The following GSK3B variants were observed in gnomAD, a reference collection of about 807,000 sequenced individuals.
GSK3B encodes the protein glycogen synthase kinase 3 beta, also known as glycogen synthase kinase-3 beta.
A neutral mutation model predicts 56.4 loss-of-function variants in GSK3B; 15 were observed. The ratio of observed to expected loss-of-function variants is 0.27; its 90% confidence interval spans 0.18 to 0.41. GSK3B has a LOEUF of 0.41. Among genes scored for constraint, GSK3B ranks in the 10% least tolerant of loss-of-function variants. The pLI is 1.00. For missense variants in GSK3B, 300 were observed against 513.4 expected, an observed-to-expected ratio of 0.58 and a Z score of 4.02; for synonymous variants, 181 against 188.9, an observed-to-expected ratio of 0.96 and a Z score of 0.34.
At chr3:120,035,024 C>T (rs1181109370) in intron 1 of GSK3B, among the ~76,000 whole-genome samples, 5 of 151,884 alleles carry the variant, frequency 3.3e-5, no homozygotes, top group East Asian at 3.9e-4. Flanking sequence ...ACCCAGGAGG[C>T]GGAGGTTGCA....
intron 7 of GSK3B, among the ~76,000 whole-genome samples, chr3:119,881,286 T>C (rs1297724355): frequency 6.6e-6 from 1 of 151,952 alleles, no homozygotes; most frequent in African/African-American, 2.4e-5. Flanking sequence ...TAAAAATAAA[T>C]AAAAAACATA....
chr3:119,860,893 A>C (rs2056093124), intron 9 of GSK3B, among the ~76,000 whole-genome samples: 3 of 152,148 alleles, frequency 2.0e-5, no homozygotes, highest in Admixed American at 1.3e-4. Context: ...GTCACTGACA[A>C]TTTGTTATGA....
At chr3:119,896,075 C>A (rs980052042) in intron 7 of GSK3B, among the ~76,000 whole-genome samples, 13 of 151,096 alleles carry the variant, frequency 8.6e-5, no homozygotes, top group African/African-American at 2.9e-4. Context: ...CTACAGTAAG[C>A]CATGATTGTA....
intron 1 of GSK3B, chr3:120,029,271 G>A: frequency 4.1e-6 from 3 of 732,598 alleles, no homozygotes; most frequent in Admixed American, 1.8e-5. Flanking sequence ...GAATGTCTTT[G>A]TATTCTGTTT....
chr3:119,981,423 G>A (rs1034170903), intron 2 of GSK3B, among the ~76,000 whole-genome samples: 3 of 152,218 alleles, frequency 2.0e-5, no homozygotes, highest in South Asian at 2.1e-4. Flanking sequence ...GCAAGGAGTC[G>A]GGGGTTTCCC....
chr3:119,828,961 T>C (rs2055559977), intron 10 of GSK3B, among the ~76,000 whole-genome samples: 3 of 152,222 alleles, frequency 2.0e-5, no homozygotes, highest in South Asian at 2.1e-4. Context: ...AATGGGGTCA[T>C]ATTAATTCAT....
intron 5 of GSK3B, among the ~76,000 whole-genome samples, chr3:119,915,434 G>A (rs551735147): frequency 2.0e-5 from 3 of 152,130 alleles, no homozygotes; most frequent in East Asian, 3.9e-4. Context: ...GAAAAAGTGA[G>A]TTTCCCAACT....
intron 1 of GSK3B, among the ~76,000 whole-genome samples, chr3:120,050,638 G>C (rs1243296697): frequency 6.6e-6 from 1 of 152,194 alleles, no homozygotes; most frequent in African/African-American, 2.4e-5. Context: ...CCAAGATAGA[G>C]AGGAAGAAGA....
intron 7 of GSK3B, among the ~76,000 whole-genome samples, chr3:119,877,604 A>T (rs2056329181): frequency 1.3e-5 from 2 of 152,218 alleles, no homozygotes; most frequent in African/African-American, 4.8e-5. Context: ...TAAAACCGTC[A>T]ACAATTCATT....
intron 7 of GSK3B, among the ~76,000 whole-genome samples, chr3:119,897,806 A>AG (rs1553729874): frequency 3.3e-5 from 5 of 151,240 alleles, no homozygotes; most frequent in South Asian, 4.2e-4. Context: ...AAAAAAAAAA[A>AG]AAAAAGAAAA....
intron 2 of GSK3B, among the ~76,000 whole-genome samples, chr3:120,000,362 C>G (rs897412925): frequency 6.6e-6 from 1 of 152,110 alleles, no homozygotes; most frequent in Non-Finnish European, 1.5e-5. Flanking sequence ...TATCAAGATC[C>G]AGTGGGCATT....
intron 1 of GSK3B, among the ~76,000 whole-genome samples, chr3:120,027,983 T>A (rs193236187): frequency 6.6e-6 from 1 of 152,320 alleles, no homozygotes; most frequent in East Asian, 1.9e-4. Flanking sequence ...TATAGAACAC[T>A]TCAAACTAAA....
At chr3:119,853,000 T>C (rs1015804303) in intron 9 of GSK3B, among the ~76,000 whole-genome samples, 5 of 152,252 alleles carry the variant, frequency 3.3e-5, no homozygotes, top group Admixed American at 6.5e-5. Flanking sequence ...TCCTTGCCCA[T>C]GCCTATGTCC....
At chr3:119,865,636 A>G (rs955205630) in intron 8 of GSK3B, among the ~76,000 whole-genome samples, 6 of 149,822 alleles carry the variant, frequency 4.0e-5, no homozygotes, top group Non-Finnish European at 5.9e-5. Flanking sequence ...CACCCAGCTA[A>G]TTTTTTGTAT....
chr3:119,946,331 G>A (rs889821125), intron 3 of GSK3B, among the ~76,000 whole-genome samples: 1 of 151,832 alleles, frequency 6.6e-6, no homozygotes, highest in African/African-American at 2.4e-5. Context: ...GGCAATATTT[G>A]CTGTAAAAAA....
chr3:119,916,389 T>C (rs1446709761), intron 4 of GSK3B, among the ~76,000 whole-genome samples: 1 of 152,218 alleles, frequency 6.6e-6, no homozygotes, highest in Admixed American at 6.5e-5. Context: ...ATATGTACTA[T>C]TCGCTTCATT....
chr3:119,887,005 T>C (rs1358117134), intron 7 of GSK3B, among the ~76,000 whole-genome samples: 3 of 152,068 alleles, frequency 2.0e-5, no homozygotes, highest in African/African-American at 7.2e-5. Context: ...GAATCTAAAA[T>C]AAAAGTTGGA....
At chr3:119,848,921 T>C (rs1401569445) in intron 9 of GSK3B, among the ~76,000 whole-genome samples, 2 of 152,134 alleles carry the variant, frequency 1.3e-5, no homozygotes. Context: ...CTGCCCTAAT[T>C]ATCAGGTTCT....
At chr3:119,912,503 T>TA (rs201360563) in intron 6 of GSK3B, among the ~76,000 whole-genome samples, 150 of 141,228 alleles carry the variant, frequency 1.1e-3, no homozygotes, top group Middle Eastern at 3.6e-3. Flanking sequence ...TTTGAGAGGT[T>TA]AAAAAAAAAA....
Sources: allele counts gnomAD v4.1 joint callset (sites outside exome capture counted in the v4.1 genomes callset), GRCh38; gene constraint gnomAD v4.1.1; transcripts MANE v1.5; gene names NCBI Gene and HGNC (gene_info 2026-07-23, HGNC 2026-07-21).